The following TMTC1 variants were observed in gnomAD, a reference collection of about 807,000 sequenced individuals.
The protein encoded by TMTC1 is transmembrane O-mannosyltransferase targeting cadherins 1.
Under a neutral mutation model 104.8 loss-of-function variants are expected in TMTC1, and 73 were observed. The observed-to-expected ratio is 0.70, with a 90% CI of 0.58 to 0.85. The LOEUF (loss-of-function observed/expected upper bound fraction) is 0.85, where lower values mean the gene tolerates loss of function less well. Ranked by LOEUF, TMTC1 falls within the 40% of genes least tolerant of loss-of-function variation. TMTC1 has a pLI of 0.00. For missense variants in TMTC1, 1,035 were observed against 1,096.1 expected (o/e 0.94, Z 0.79); for synonymous variants, 434 against 428.7 (o/e 1.01, Z -0.15).
rs142408707 is a variant in TMTC1 at position 29,546,556 on chromosome 12, C to T, written c.1677-10239G>A. Among the ~76,000 whole-genome samples the T allele has an allele frequency of 2.5e-3, 375 of 152,238 alleles. 3 individuals are homozygous for T. The highest frequency in any genetic ancestry group is 3.2e-3 in the Non-Finnish European group (221 of 68,024). On this transcript the variant is annotated intron_variant, in intron 10 of 17. Coordinates refer to ENST00000539277, the MANE Select transcript of TMTC1 (RefSeq NM_001193451.2). ...CCTTCCTATTTCTCTTCCTGGCCTACACAGAGCATTTTTAGATTTAAAAGC... is the reference window on the plus strand; with the variant it reads ...CCTTCCTATTTCTCTTCCTGGCCTATACAGAGCATTTTTAGATTTAAAAGC...
chr12:29,747,729 T>C (rs907436737), intron 5 of TMTC1, among the ~76,000 whole-genome samples: 8 of 152,206 alleles, frequency 5.3e-5, no homozygotes, highest in African/African-American at 1.9e-4. Flanking sequence ...CTAATAATAA[T>C]GACGCTGCTG....
At chr12:29,609,811 G>A (rs753804926) in intron 6 of TMTC1, 1 of 152,320 alleles carries the variant, frequency 6.6e-6, no homozygotes, top group Admixed American at 6.5e-5. Context: ...TCTCTGGGAA[G>A]CTACAGTGAG....
intron 5 of TMTC1, among the ~76,000 whole-genome samples, chr12:29,673,518 T>C (rs567725605): frequency 3.0e-4 from 46 of 152,218 alleles, no homozygotes; most frequent in Middle Eastern, 3.4e-3. Context: ...AGTGACTCAT[T>C]TTAAAACATA....
intron 5 of TMTC1, among the ~76,000 whole-genome samples, chr12:29,642,477 G>C (rs1484512735): frequency 1.3e-5 from 2 of 152,088 alleles, no homozygotes; most frequent in East Asian, 1.9e-4. Flanking sequence ...GAAGAATATT[G>C]TATCCAGCAA....
chr12:29,507,105 ACT>A (rs1592141490), intron 17 of TMTC1, 119 bp from the exon 18 acceptor site: 4 of 815,464 alleles, frequency 4.9e-6, no homozygotes. Flanking sequence ...TCATATGGAA[ACT>A]CTGTCTGTAT....
At chr12:29,600,860 G>A (rs1380534814) in intron 7 of TMTC1, among the ~76,000 whole-genome samples, 1 of 152,202 alleles carries the variant, frequency 6.6e-6, no homozygotes, top group Non-Finnish European at 1.5e-5. Flanking sequence ...AAGCAGTAAA[G>A]AGAAACACTC....
chr12:29,520,940 A>G, intron 11 of TMTC1: 1 of 479,562 alleles, frequency 2.1e-6, no homozygotes, highest in Non-Finnish European at 3.7e-6. Flanking sequence ...TAGTTCCCTT[A>G]GGGCGAAAAA....
chr12:29,581,270 T>A (rs1397648146), intron 8 of TMTC1, among the ~76,000 whole-genome samples: 1 of 152,216 alleles, frequency 6.6e-6, no homozygotes, highest in Non-Finnish European at 1.5e-5. Context: ...TGTTCTGGCC[T>A]TGAAGGAAAA....
At position 29,650,311 on chromosome 12, in the gene TMTC1, C is replaced by T. The variant is rs564538974; in HGVS notation, c.939-16975G>A. 1.2e-4 allele frequency among the ~76,000 whole-genome samples: 18 copies of T among 152,216 alleles called. No individual in the cohort carries two copies. The South Asian group carries it at 1.2e-3, about 11-fold the overall frequency. Reference sequence around the variant, plus strand: ...TGTTAGCCAGGCTGGTCTCAAACTCCTGACCTCAAGTGATCTGCCCGCCTA... The same window carrying T: ...TGTTAGCCAGGCTGGTCTCAAACTCTTGACCTCAAGTGATCTGCCCGCCTA... On this transcript the variant is annotated intron_variant, in intron 5 of 17. Coordinates refer to ENST00000539277, the MANE Select transcript of TMTC1 (RefSeq NM_001193451.2).
chr12:29,586,142 T>A (rs1191376311), intron 7 of TMTC1, among the ~76,000 whole-genome samples: 3 of 152,090 alleles, frequency 2.0e-5, no homozygotes, highest in African/African-American at 7.2e-5. Flanking sequence ...TTCTCCTTGA[T>A]GAGGTCCTTC....
intron 11 of TMTC1, among the ~76,000 whole-genome samples, chr12:29,521,934 G>A (rs1385732422): frequency 6.6e-6 from 1 of 152,088 alleles, no homozygotes; most frequent in African/African-American, 2.4e-5. Context: ...TATACAGAAG[G>A]TGAAATTAAT....
At chr12:29,686,447 T>C (rs1391339462) in intron 5 of TMTC1, among the ~76,000 whole-genome samples, 1 of 152,086 alleles carries the variant, frequency 6.6e-6, no homozygotes, top group East Asian at 1.9e-4. Flanking sequence ...GAGGGAAAGA[T>C]TTGATCTGTA....
intron 5 of TMTC1, among the ~76,000 whole-genome samples, chr12:29,687,977 G>A (rs1028369562): frequency 6.6e-6 from 1 of 152,138 alleles, no homozygotes; most frequent in African/African-American, 2.4e-5. Context: ...GGAGGTCAGG[G>A]TTTCAGTATG....
At position 29,783,729 on chromosome 12, in the gene TMTC1, C is replaced by T. The variant is rs1241055227; in HGVS notation, c.23G>A (p.Arg8Gln). 6 of 1,200,534 alleles carry T rather than the reference C, an allele frequency of 5.0e-6. No individual in the cohort carries two copies. In the Admixed American group the frequency reaches 1.8e-4, roughly 36 times the overall value. 74.4% of individuals were successfully genotyped at this position (1,200,534 alleles called of 1,614,324 possible). MVVTTSA[R>Q]GGGGDRTPSR... ...GGGTGTGCGGTCCCCGCCGCCGCCT[C>T]GGGCAGAGGTGGTCACCACCATCGC... is the stretch of plus-strand genomic sequence containing the variant. The change falls in exon 1 of 18, where the codon CGA (arginine) becomes CAA (glutamine). Residue 8 changes from arginine to glutamine, a missense_variant. Arg to Gln is a conservative substitution (Grantham distance 43). Transcript: ENST00000539277. This position sits in a 1 kb window ranked among gnomAD's most constrained non-coding sequence, Gnocchi z 4.7.
chr12:29,695,971 T>G (rs12309843), intron 5 of TMTC1, among the ~76,000 whole-genome samples: 25,884 of 151,570 alleles, frequency 0.17, 2,293 homozygotes, highest in Middle Eastern at 0.23. Context: ...TATGTTCCTA[T>G]GCTTTGAGAA....
chr12:29,684,908 T>C (rs376664329), intron 5 of TMTC1, among the ~76,000 whole-genome samples: 6 of 152,180 alleles, frequency 3.9e-5, no homozygotes, highest in Non-Finnish European at 7.4e-5. Flanking sequence ...GTTGAAAACA[T>C]AGTTTTCTTG....
Position 29,517,568 on chromosome 12 carries a change from G to C in TMTC1, c.2028C>G (p.Ala676=), listed in dbSNP as rs747051568. ...NSMAEEWYKR[A]LQVAHKAEIL... is the part of the protein sequence containing the mutation. ...TCTCAGCTTTGTGTGCCACCTGCAG[G>C]GCGCTGAGTTTGGAGAAAATCTAAA... is the stretch of plus-strand genomic sequence containing the variant. The change falls in exon 14 of 18, where the codon GCC becomes GCG. Residue 676 remains alanine (A), a synonymous_variant. Transcript: ENST00000539277. 6.2e-7 allele frequency: 1 copy of C among 1,614,032 alleles called. No homozygotes were observed. Among genetic ancestry groups the C allele is most frequent in the South Asian group, 1.1e-5 (1 of 91,054 alleles).
At chr12:29,595,546 G>C (rs926364027) in intron 7 of TMTC1, among the ~76,000 whole-genome samples, 1 of 152,182 alleles carries the variant, frequency 6.6e-6, no homozygotes, top group African/African-American at 2.4e-5. Context: ...TGCAGTCCCA[G>C]GTCCCTCCCT....
At chr12:29,574,502 T>A (rs1945768160) in intron 8 of TMTC1, among the ~76,000 whole-genome samples, 1 of 152,206 alleles carries the variant, frequency 6.6e-6, no homozygotes, top group Non-Finnish European at 1.5e-5. Context: ...ACCCATAGAC[T>A]GGGTGGCTTA....
Sources: allele counts gnomAD v4.1 joint callset (sites outside exome capture counted in the v4.1 genomes callset), GRCh38; gene constraint gnomAD v4.1.1; non-coding constraint Gnocchi (gnomAD v3.1); transcripts MANE v1.5; gene names NCBI Gene and HGNC (gene_info 2026-07-23, HGNC 2026-07-21).